The following ZNF878 variants were observed in gnomAD, a reference collection of about 807,000 sequenced individuals.
The protein encoded by ZNF878 is zinc finger protein 878.
ZNF878 carries 10 observed loss-of-function variants against 11.1 expected under a neutral mutation model. The observed-to-expected ratio is 0.90, with a 90% confidence interval of 0.56 to 1.53. The LOEUF (loss-of-function observed/expected upper bound fraction) is 1.53, where lower values mean the gene tolerates loss of function less well. Among genes scored for constraint, ZNF878 ranks in the 40% most tolerant of loss-of-function variants. The pLI is 0.00. For missense variants in ZNF878, 548 were observed against 626.1 expected (o/e 0.88, Z 1.33); for synonymous variants, 165 against 209.7 (o/e 0.79, Z 1.84).
chr19:12,047,843 C>T (rs1975509839), intron 1 of ZNF878, among the ~76,000 whole-genome samples: 2 of 152,152 alleles, frequency 1.3e-5, no homozygotes, highest in Admixed American at 1.3e-4. Context: ...AAGACACACA[C>T]ATGAAAGGCT....
intron 1 of ZNF878, among the ~76,000 whole-genome samples, 163 bp downstream of exon 1, chr19:12,052,633 AGCT>A (rs1249726879): frequency 6.6e-6 from 1 of 152,108 alleles, no homozygotes; most frequent in African/African-American, 2.4e-5. Context: ...CTGCCGGCCC[AGCT>A]CCACCCAGCG....
rs553368379 is a variant in ZNF878 at position 12,046,646 on chromosome 19, G to A, written c.118C>T (p.Leu40=). 1.1e-5 allele frequency: 17 copies of A among 1,613,982 alleles called. No individual in the cohort carries two copies. In the East Asian group the frequency reaches 3.6e-4, roughly 34 times the overall value. Residue 40 remains leucine, a synonymous_variant, in exon 2 of 4, where the codon CTG becomes TTG. Transcript: ENST00000547628. The part of the protein sequence containing the change: ...REVMQETLRN[L]TSIGKKWNNQ... The stretch of plus-strand genomic sequence containing the variant: ...CTGTCATTCTTACCTATGGAGGTCA[G>A]GTTCCTCAAGGTTTCCTGCATCACT...
In ZNF878 at chr19:12,052,947, A is replaced by G. The variant is rs990447223; in HGVS notation, c.-146T>C. 60 of 1,356,898 alleles carry G rather than the reference A, an allele frequency of 4.4e-5. No individual in the cohort carries two copies. Among genetic ancestry groups the G allele is most frequent in the South Asian group, 6.8e-5 (5 of 73,288 alleles). The allele number at this position is 1,356,898 out of a possible 1,614,324, so 84.1% of individuals were successfully genotyped here. A position where few individuals can be genotyped will look rare whatever the true frequency, so the allele number is the denominator to read the frequency against. ...AAAGCCCCAGACCTTAACTAGCGCG[A>G]GCAGCCCTAGGAGTGAAGAGAGCGG... is the stretch of plus-strand genomic sequence containing the variant. On this transcript the variant is annotated 5_prime_UTR_variant, in exon 1 of 4. Coordinates refer to ENST00000547628, the MANE Select transcript of ZNF878 (RefSeq NM_001080404.3).
Position 12,044,384 on chromosome 19 carries a change from A to G in ZNF878, c.1017T>C (p.Tyr339=), listed in dbSNP as rs551118826. 1 of 1,613,904 alleles carries G rather than the reference A, an allele frequency of 6.2e-7. No individual in the cohort carries two copies. Among genetic ancestry groups the G allele is most frequent in the African/African-American group, 1.3e-5 (1 of 74,982 alleles). ...AGGCTTTCACACATTTTTTACATTC[A>G]TAAGGTTTCTCTCCAGTGTGAGTCT... ...HEKTHTGEKP[Y]ECKKCVKAFS... The change falls in exon 4 of 4, where the codon TAT becomes TAC. Residue 339 remains tyrosine (Y), a synonymous_variant. Transcript: ENST00000547628.
Position 12,044,564 on chromosome 19 carries a change from T to A in ZNF878, c.837A>T (p.Gly279=), listed in dbSNP as rs1822833531. ...ATTGTGTACACTCATAGGGTTTCTC[T>A]CCACTGTGAGTCCTTTCATGATATT... is the stretch of plus-strand genomic sequence containing the variant. The part of the protein sequence containing the change: ...SFQYHERTHS[G]EKPYECTQCR... Residue 279 remains glycine, a synonymous_variant, in exon 4 of 4, where the codon GGA becomes GGT. Coordinates refer to ENST00000547628, the MANE Select transcript of ZNF878 (RefSeq NM_001080404.3). 6.2e-7 allele frequency: 1 copy of A among 1,614,138 alleles called. No homozygotes were observed. Among genetic ancestry groups the A allele is most frequent in the South Asian group, 1.1e-5 (1 of 91,076 alleles).
chr19:12,044,539 A>G lies in ZNF878; in HGVS notation c.862T>C (p.Cys288Arg), dbSNP rs745975070. The G allele has an allele frequency of 8.1e-6, 13 of 1,613,902 alleles. No homozygotes were observed. Among genetic ancestry groups the G allele is most frequent in the African/African-American group, 1.3e-5 (1 of 74,956 alleles). The change falls in exon 4 of 4, where the codon TGT (cysteine) becomes CGT (arginine). Residue 288 changes from cysteine to arginine, a missense_variant. Cys to Arg is a radical substitution (Grantham distance 180). This residue lies in a region of ZNF878 where 335 missense variants were observed against 358.2 expected (regional missense o/e 0.94). Transcript: ENST00000547628. The part of the protein sequence containing the change: ...SGEKPYECTQ[C>R]RKAFRSVKYL... ...TTGACAGATCTGAAGGCTTTCCTAC[A>G]TTGTGTACACTCATAGGGTTTCTCT...
At chr19:12,052,700 A>C in intron 1 of ZNF878, 99 bp downstream of exon 1, 1 of 1,444,174 alleles carries the variant, frequency 6.9e-7, no homozygotes, top group Non-Finnish European at 9.3e-7. Flanking sequence ...TGGAGCCCAG[A>C]GTCGCTGCAG....
rs766101706 is a variant in ZNF878 at position 12,044,045 on chromosome 19, C to T, written c.1356G>A (p.Glu452=). The change falls in exon 4 of 4, where the codon GAG becomes GAA. Residue 452 remains glutamate (E), a synonymous_variant. Coordinates refer to ENST00000547628, the MANE Select transcript of ZNF878 (RefSeq NM_001080404.3). ...ERTHTGEKPY[E]CKQCGKAFIS... is the part of the protein sequence containing the mutation. ...TGAAGGCTTTTCCACATTGCTTACA[C>T]TCATAGGGTTTCTCTCCTGTGTGAG... is the stretch of plus-strand genomic sequence containing the variant. The T allele has an allele frequency of 6.2e-7, 1 of 1,612,376 alleles. No homozygotes were observed. Among genetic ancestry groups the T allele is most frequent in the Non-Finnish European group, 8.5e-7 (1 of 1,179,670 alleles).
In ZNF878 at chr19:12,044,865, G is replaced by A; in HGVS notation, c.536C>T (p.Ala179Val). ...ACGAACAGAACTGGGAAAACTGAATGCTTTCCCACACTGCTTACATTCATA... is the reference window on the plus strand; with the variant it reads ...ACGAACAGAACTGGGAAAACTGAATACTTTCCCACACTGCTTACATTCATA... ...KPYECKQCGK[A>V]FSFPSSVRRH... Residue 179 changes from alanine to valine, a missense_variant, in exon 4 of 4, where the codon GCA (alanine) becomes GTA (valine). Transcript: ENST00000547628. The A allele has an allele frequency of 6.2e-7, 1 of 1,614,150 alleles. No homozygotes were observed. Among genetic ancestry groups the A allele is most frequent in the Non-Finnish European group, 8.5e-7 (1 of 1,180,038 alleles).
chr19:12,046,902 ACT>A (rs1344049161), intron 1 of ZNF878, 142 bp from the exon 2 acceptor site: 1 of 1,266,248 alleles, frequency 7.9e-7, no homozygotes. Context: ...CAGATCCCTT[ACT>A]CTGTCTACAC....
intron 1 of ZNF878, among the ~76,000 whole-genome samples, chr19:12,052,360 C>T (rs1320358518): frequency 6.6e-6 from 1 of 152,210 alleles, no homozygotes; most frequent in Non-Finnish European, 1.5e-5. Context: ...TCATTAATCG[C>T]TGTTTGCTAA....
chr19:12,046,525 C>T (rs2145523051), intron 2 of ZNF878, 97 bp from the exon 3 acceptor site: 2 of 1,567,344 alleles, frequency 1.3e-6, no homozygotes, highest in South Asian at 2.3e-5. Flanking sequence ...ACCTGTGTCT[C>T]ATTTATTCAA....
At chr19:12,046,143 G>C in intron 3 of ZNF878, 1 of 479,554 alleles carries the variant, frequency 2.1e-6, no homozygotes, top group Non-Finnish European at 3.6e-6. Flanking sequence ...TCATGACTCA[G>C]TGCAACCTCA....
At chr19:12,048,734 C>A (rs1184420252) in intron 1 of ZNF878, among the ~76,000 whole-genome samples, 1 of 145,514 alleles carries the variant, frequency 6.9e-6, no homozygotes, top group Non-Finnish European at 1.5e-5. Context: ...CTTGGGGGGC[C>A]GAGGCAGCAG....
chr19:12,049,139 C>CA (rs1291167469), intron 1 of ZNF878, among the ~76,000 whole-genome samples: 3,385 of 68,422 alleles, frequency 0.049, 135 homozygotes, highest in African/African-American at 0.15. Flanking sequence ...AGCTCCGTCT[C>CA]AAAAAAAAAA....
Position 12,044,102 on chromosome 19 carries a change from T to C in ZNF878, c.1299A>G (p.Arg433=), listed in dbSNP as rs1368255632. Reference sequence around the variant, plus strand: ...CATGCATTTTAAGTTGTGAGGCAACTCTAAAGACTTTACCACATTGCTTAC... The same window carrying C: ...CATGCATTTTAAGTTGTGAGGCAACCCTAAAGACTTTACCACATTGCTTAC... ...YGCKQCGKVF[R]VASQLKMHER... Residue 433 remains arginine, a synonymous_variant, in exon 4 of 4, where the codon AGA becomes AGG. Coordinates refer to ENST00000547628, the MANE Select transcript of ZNF878 (RefSeq NM_001080404.3). The C allele has an allele frequency of 3.1e-6, 5 of 1,612,380 alleles. No homozygotes were observed. The African/African-American group carries it at 4.0e-5, about 13-fold the overall frequency.
At chr19:12,046,797 G>C in intron 1 of ZNF878, 37 bp from the exon 2 acceptor site, 5 of 1,612,300 alleles carry the variant, frequency 3.1e-6, no homozygotes, top group Non-Finnish European at 4.2e-6. Flanking sequence ...GGATGAGTGA[G>C]GCTGACAGCA....
At chr19:12,046,241 G>T in intron 3 of ZNF878, 127 bp downstream of exon 3, 1 of 707,264 alleles carries the variant, frequency 1.4e-6, no homozygotes, top group Non-Finnish European at 2.3e-6. Context: ...TATGTTTCTA[G>T]GGAAGCTTTT....
At chr19:12,051,095 CAAAAAAAAAAA>C (rs370628123) in intron 1 of ZNF878, among the ~76,000 whole-genome samples, 1 of 37,214 alleles carries the variant, frequency 2.7e-5, no homozygotes, top group South Asian at 8.8e-4. Context: ...GACTCCGTCT[CAAAAAAAAAAA>C]AAAAAAAAAA....
Sources: gnomAD v4.1 joint callset for allele counts (sites outside exome capture counted in the v4.1 genomes callset) on GRCh38, gnomAD v4.1.1 for gene constraint, gnomAD v4.1.1 regional missense constraint, MANE v1.5 for transcripts, NCBI Gene and HGNC (gene_info 2026-07-23, HGNC 2026-07-21) for gene names.